The following PRKG1 variants were observed in gnomAD, a reference collection of about 807,000 sequenced individuals.
PRKG1 encodes cGMP-dependent protein kinase 1.
A neutral mutation model predicts 88.1 loss-of-function variants in PRKG1; 35 were observed. That is an observed-to-expected ratio of 0.40 (90% CI 0.30 to 0.53). The LOEUF (loss-of-function observed/expected upper bound fraction) is 0.53. PRKG1 is among the 20% of genes least tolerant of loss of function. The pLI is 0.59. For missense variants in PRKG1, 540 were observed against 839.8 expected (o/e 0.64, Z 4.41); for synonymous variants, 303 against 292.5 (o/e 1.04, Z -0.37).
Position 51,153,340 on chromosome 10 carries a change from G to C in PRKG1, c.478+10G>C, listed in dbSNP as rs763995628. ...GTGTATGTCATGGAAGGTACGGTTT[G>C]TAACTCCAATCCTCTGACATTCAAA... On this transcript the variant is annotated intron_variant, in intron 2 of 17. Transcript: ENST00000373980. The C allele has an allele frequency of 6.3e-7, 1 of 1,588,542 alleles. No homozygotes were observed. Among genetic ancestry groups the C allele is most frequent in the East Asian group, 2.3e-5 (1 of 43,546 alleles).
At chr10:51,885,009 A>T (rs1251152901) in intron 4 of PRKG1, among the ~76,000 whole-genome samples, 1 of 152,234 alleles carries the variant, frequency 6.6e-6, no homozygotes, top group Admixed American at 6.5e-5. Flanking sequence ...TGCTATAAGG[A>T]ATAGACCCTT....
At chr10:51,541,903 T>C (rs1035084177) in intron 3 of PRKG1, among the ~76,000 whole-genome samples, 1 of 152,192 alleles carries the variant, frequency 6.6e-6, no homozygotes, top group African/African-American at 2.4e-5. Context: ...ATAGAACTTA[T>C]TAATTTTTAG....
At chr10:51,635,990 G>A (rs934263216) in intron 3 of PRKG1, among the ~76,000 whole-genome samples, 3 of 152,076 alleles carry the variant, frequency 2.0e-5, no homozygotes. Context: ...GGGGTACCTT[G>A]GTTGAAGTAA....
chr10:51,907,646 T>C, intron 5 of PRKG1, 76 bp downstream of exon 5: 2 of 1,304,220 alleles, frequency 1.5e-6, no homozygotes. Flanking sequence ...AGCTGTGTGA[T>C]GAGGAATCAC....
At chr10:51,183,540 G>A (rs1837406134) in intron 2 of PRKG1, among the ~76,000 whole-genome samples, 1 of 104,740 alleles carries the variant, frequency 9.5e-6, no homozygotes, top group Non-Finnish European at 1.8e-5. Context: ...AACCCTATGG[G>A]ATATGTTGTA....
At chr10:51,741,328 A>C (rs1453435613) in intron 3 of PRKG1, among the ~76,000 whole-genome samples, 2 of 152,036 alleles carry the variant, frequency 1.3e-5, no homozygotes, top group African/African-American at 4.8e-5. Flanking sequence ...AGTTCACATT[A>C]ATTATTCAGA....
At chr10:51,604,780 G>T (rs1838713057) in intron 3 of PRKG1, among the ~76,000 whole-genome samples, 1 of 152,182 alleles carries the variant, frequency 6.6e-6, no homozygotes, top group Non-Finnish European at 1.5e-5. Flanking sequence ...TTTGGGATCT[G>T]GCCCATGGCA....
intron 4 of PRKG1, among the ~76,000 whole-genome samples, chr10:51,858,899 T>G (rs928046459): frequency 6.6e-6 from 1 of 152,098 alleles, no homozygotes; most frequent in Non-Finnish European, 1.5e-5. Context: ...AGGCAAACAG[T>G]TTTTCTCCTG....
chr10:51,129,240 T>C (rs1002844469), intron 1 of PRKG1, among the ~76,000 whole-genome samples: 19 of 151,486 alleles, frequency 1.3e-4, no homozygotes, highest in Middle Eastern at 3.2e-3. Context: ...CTTTGGGAGG[T>C]AGAGGCAGAT....
In PRKG1 at chr10:51,074,487, A is replaced by C. The variant is rs1240972516; in HGVS notation, c.-104A>C. 3 of 1,483,146 alleles carry C rather than the reference A, an allele frequency of 2.0e-6. No individual in the cohort carries two copies. Among genetic ancestry groups the C allele is most frequent in the South Asian group, 1.4e-5 (1 of 71,602 alleles). 91.9% of individuals were successfully genotyped at this position (1,483,146 alleles called of 1,614,324 possible). On this transcript the variant is annotated 5_prime_UTR_variant, in exon 1 of 18. Coordinates refer to ENST00000373980, the MANE Select transcript of PRKG1 (RefSeq NM_006258.4). Reference sequence around the variant, plus strand: ...TTGGTCTCAAGTAGGAAGCTTTGGCACTCGGGAGGCAGCGGCGACTTTGGG... The same window carrying C: ...TTGGTCTCAAGTAGGAAGCTTTGGCCCTCGGGAGGCAGCGGCGACTTTGGG...
At chr10:51,248,606 A>T (rs1288452030) in intron 2 of PRKG1, among the ~76,000 whole-genome samples, 1 of 151,826 alleles carries the variant, frequency 6.6e-6, no homozygotes, top group East Asian at 1.9e-4. Flanking sequence ...AATTTTTATG[A>T]TGAGAAAACT....
At chr10:51,291,052 CTTTTCTGGTGTTTCT>C (rs970142928) in intron 2 of PRKG1, among the ~76,000 whole-genome samples, 5 of 152,098 alleles carry the variant, frequency 3.3e-5, no homozygotes, top group African/African-American at 1.2e-4. Flanking sequence ...TGAAGTGAGC[CTTTTCTGGTGTTTCT>C]TTTACACTTA....
intron 1 of PRKG1, among the ~76,000 whole-genome samples, chr10:51,046,321 C>T (rs1362466319): frequency 2.0e-5 from 3 of 152,252 alleles, no homozygotes; most frequent in Admixed American, 2.0e-4. Flanking sequence ...AGCCTGAGAT[C>T]CCAGTCCTCC....
intron 2 of PRKG1, among the ~76,000 whole-genome samples, chr10:51,269,344 A>C (rs1280013904): frequency 6.6e-6 from 1 of 152,128 alleles, no homozygotes; most frequent in Non-Finnish European, 1.5e-5. Flanking sequence ...AAAATAGAAT[A>C]CCATTTAATC....
chr10:52,051,792 T>G (rs1438094650), intron 5 of PRKG1, among the ~76,000 whole-genome samples: 1 of 152,194 alleles, frequency 6.6e-6, no homozygotes, highest in South Asian at 2.1e-4. Context: ...GGAAGCTCCC[T>G]TCCATGAGGA....
At chr10:51,752,693 A>G (rs1837757565) in intron 3 of PRKG1, among the ~76,000 whole-genome samples, 1 of 152,076 alleles carries the variant, frequency 6.6e-6, no homozygotes, top group East Asian at 1.9e-4. Context: ...TTGTTTTGCT[A>G]TTTAATTCTG....
chr10:51,223,159 A>T (rs1180726013), intron 2 of PRKG1, among the ~76,000 whole-genome samples: 2 of 152,110 alleles, frequency 1.3e-5, no homozygotes, highest in Non-Finnish European at 2.9e-5. Context: ...GGAAGTTTGT[A>T]CCCATTGATC....
intron 2 of PRKG1, among the ~76,000 whole-genome samples, chr10:51,235,893 G>A (rs979892882): frequency 6.6e-6 from 1 of 152,088 alleles, no homozygotes; most frequent in Admixed American, 6.6e-5. Flanking sequence ...TATTTGGAGG[G>A]GAGAGAAATT....
chr10:51,567,672 C>T (rs1405339384), intron 3 of PRKG1, among the ~76,000 whole-genome samples: 1 of 150,390 alleles, frequency 6.6e-6, no homozygotes, highest in Admixed American at 6.6e-5. Flanking sequence ...CTGGAACCTC[C>T]ACCTCCTGGG....
Sources: allele counts gnomAD v4.1 joint callset (sites outside exome capture counted in the v4.1 genomes callset), GRCh38; gene constraint gnomAD v4.1.1; transcripts MANE v1.5; gene names NCBI Gene and HGNC (gene_info 2026-07-23, HGNC 2026-07-21).